The following KRABD5 variants were observed in gnomAD, a reference collection of about 807,000 sequenced individuals.
KRABD5 encodes KRAB domain-containing protein 5.
chr16:31,749,048 A>G, the KRABD5 span, among the ~76,000 whole-genome samples: 2 of 152,208 alleles, frequency 1.3e-5, no homozygotes, highest in East Asian at 3.9e-4. Context: ...ATTCCTCAGA[A>G]CTACCAGGAG....
chr16:31,736,993 G>A, the KRABD5 span, among the ~76,000 whole-genome samples: 3 of 152,236 alleles, frequency 2.0e-5, no homozygotes, highest in African/African-American at 7.2e-5. Flanking sequence ...CACAGAAAAA[G>A]TATTTGACAA....
chr16:31,743,912 A>G, the KRABD5 span, among the ~76,000 whole-genome samples: 1 of 152,010 alleles, frequency 6.6e-6, no homozygotes, highest in Non-Finnish European at 1.5e-5. Flanking sequence ...TTCATGATTT[A>G]ACTCTCTGCT....
the KRABD5 span, chr16:31,756,125 T>C: frequency 6.6e-6 from 1 of 152,660 alleles, no homozygotes; most frequent in South Asian, 2.1e-4. Flanking sequence ...AAACATATAG[T>C]CTATTTTTTC....
the KRABD5 span, among the ~76,000 whole-genome samples, chr16:31,728,520 G>C: frequency 6.6e-6 from 1 of 151,664 alleles, no homozygotes; most frequent in Non-Finnish European, 1.5e-5. Context: ...GATATGTTTA[G>C]ATTTTTCTTT....
At chr16:31,717,135 A>G in the KRABD5 span, among the ~76,000 whole-genome samples, 1 of 150,696 alleles carries the variant, frequency 6.6e-6, no homozygotes, top group Non-Finnish European at 1.5e-5. Flanking sequence ...AGCTGGGATT[A>G]TAGGTGCCTG....
At chr16:31,753,901 G>T in the KRABD5 span, 1 of 1,551,258 alleles carries the variant, frequency 6.4e-7, no homozygotes, top group Non-Finnish European at 8.7e-7. Context: ...GAAAGTGAGG[G>T]TAAGTGTGAA....
chr16:31,742,958 T>C, the KRABD5 span, among the ~76,000 whole-genome samples: 1 of 152,250 alleles, frequency 6.6e-6, no homozygotes, highest in South Asian at 2.1e-4. Context: ...CATAAATGTC[T>C]TCTTTTAAGA....
chr16:31,751,037 G>A, the KRABD5 span, among the ~76,000 whole-genome samples: 1 of 152,334 alleles, frequency 6.6e-6, no homozygotes, highest in East Asian at 1.9e-4. Context: ...TGGGATTACA[G>A]GTGTGAGCCA....
the KRABD5 span, among the ~76,000 whole-genome samples, chr16:31,735,665 A>C: frequency 5.3e-5 from 8 of 152,226 alleles, no homozygotes; most frequent in East Asian, 1.5e-3. Flanking sequence ...TCCCTTGATG[A>C]TTAGTGAAGT....
At chr16:31,750,135 G>A in the KRABD5 span, among the ~76,000 whole-genome samples, 1 of 152,198 alleles carries the variant, frequency 6.6e-6, no homozygotes, top group Admixed American at 6.5e-5. Context: ...TGGGCAGTAT[G>A]GCCATTTTAA....
At chr16:31,719,943 T>C in the KRABD5 span, among the ~76,000 whole-genome samples, 1 of 152,242 alleles carries the variant, frequency 6.6e-6, no homozygotes, top group East Asian at 1.9e-4. Flanking sequence ...TTTCCGTATC[T>C]CTCCCATCTG....
At chr16:31,736,517 C>CT in the KRABD5 span, among the ~76,000 whole-genome samples, 78,094 of 128,392 alleles carry the variant, frequency 0.61, 24,344 homozygotes, top group Middle Eastern at 0.72. Flanking sequence ...TAATAATATT[C>CT]TTTTTTTTTT....
chr16:31,739,431 G>A, the KRABD5 span, among the ~76,000 whole-genome samples: 1 of 151,984 alleles, frequency 6.6e-6, no homozygotes, highest in East Asian at 1.9e-4. Flanking sequence ...TCCTAGGAAT[G>A]GGCCTTGCAT....
At chr16:31,747,329 T>C in the KRABD5 span, among the ~76,000 whole-genome samples, 1,435 of 152,298 alleles carry the variant, frequency 9.4e-3, 12 homozygotes, top group Non-Finnish European at 0.015. Flanking sequence ...TCATCCTTTT[T>C]TATGGCTGCA....
the KRABD5 span, among the ~76,000 whole-genome samples, chr16:31,736,902 A>T: frequency 3.3e-5 from 5 of 152,308 alleles, no homozygotes; most frequent in East Asian, 9.6e-4. Context: ...TCCATGTTTT[A>T]TGATTTTCAG....
At chr16:31,722,166 C>T in the KRABD5 span, among the ~76,000 whole-genome samples, 7 of 152,160 alleles carry the variant, frequency 4.6e-5, no homozygotes, top group African/African-American at 1.7e-4. Flanking sequence ...CCTCCACTTC[C>T]TGGTTCAAGT....
chr16:31,758,196 G>A, the KRABD5 span: 1 of 152,090 alleles, frequency 6.6e-6, no homozygotes, highest in African/African-American at 2.4e-5. Flanking sequence ...TTTTCAAAGG[G>A]AGCCAACCTG....
At chr16:31,745,991 T>G in the KRABD5 span, among the ~76,000 whole-genome samples, 1 of 152,174 alleles carries the variant, frequency 6.6e-6, no homozygotes, top group African/African-American at 2.4e-5. Context: ...CCTTTATCCC[T>G]TTATTTAGAG....
the KRABD5 span, among the ~76,000 whole-genome samples, chr16:31,742,770 T>G: frequency 6.6e-6 from 1 of 152,350 alleles, no homozygotes; most frequent in East Asian, 1.9e-4. Context: ...TAATTTACAT[T>G]CCCACTAACA....
Sources: gnomAD v4.1 joint callset for allele counts (sites outside exome capture counted in the v4.1 genomes callset) on GRCh38, gnomAD v4.1.1 for gene constraint, MANE v1.5 for transcripts, NCBI Gene and HGNC (gene_info 2026-07-23, HGNC 2026-07-21) for gene names.